Variants in CNTN2 observed in about 807,000 individuals in gnomAD.
CNTN2 encodes contactin 2.
CNTN2 carries 53 observed loss-of-function variants against 117.5 expected under a neutral mutation model. The ratio of observed to expected loss-of-function variants is 0.45; its 90% CI spans 0.36 to 0.57. CNTN2 has a LOEUF of 0.57. CNTN2 is among the 20% of genes least tolerant of loss of function. CNTN2 has a pLI of 0.00. For synonymous variants in CNTN2, 530 were observed against 561.7 expected, an observed-to-expected ratio of 0.94 and a Z score of 0.80; for missense variants, 1,106 against 1,404.3, an observed-to-expected ratio of 0.79 and a Z score of 3.39.
At chr1:205,069,266 T>G (rs1389043282) in intron 16 of CNTN2, 13 of 538,578 alleles carry the variant, frequency 2.4e-5, no homozygotes, top group Non-Finnish European at 3.6e-5. Context: ...TCAGAAAGGT[T>G]AAGTGACTTG....
chr1:205,046,955 G>A (rs2096442548), intron 1 of CNTN2, among the ~76,000 whole-genome samples: 1 of 152,102 alleles, frequency 6.6e-6, no homozygotes, highest in African/African-American at 2.4e-5. Flanking sequence ...GGTCTCTCTT[G>A]CAGGGGCAAA....
chr1:205,054,094 G>A (rs1349777685), intron 2 of CNTN2, among the ~76,000 whole-genome samples: 1 of 152,206 alleles, frequency 6.6e-6, no homozygotes, highest in African/African-American at 2.4e-5. Context: ...GCTCTAAGGG[G>A]TCTGCTGGAC....
chr1:205,067,600 G>A (rs938193809), intron 16 of CNTN2: 2 of 196,348 alleles, frequency 1.0e-5, no homozygotes, highest in African/African-American at 4.7e-5. Flanking sequence ...GTGGTAGACA[G>A]ATGTCTTCCT....
Position 205,059,722 on chromosome 1 carries a change from C to T in CNTN2, c.797+40C>T, listed in dbSNP as rs770237394. On this transcript the variant is annotated intron_variant, in intron 7 of 22. Coordinates refer to ENST00000331830, the MANE Select transcript of CNTN2 (RefSeq NM_005076.5). The surrounding 1 kb of genome is among the most constrained non-coding windows in gnomAD (Gnocchi z 5.6). The stretch of plus-strand genomic sequence containing the variant: ...GGAGGGGAAGCAGAGCACGGTCTCT[C>T]GGGGGCACAGGTGACCCCAGGGTGA... 5 of 1,573,174 alleles carry T rather than the reference C, an allele frequency of 3.2e-6. No individual in the cohort carries two copies. Among genetic ancestry groups the T allele is most frequent in the Non-Finnish European group, 4.4e-6 (5 of 1,143,396 alleles).
At chr1:205,057,844 C>A in intron 2 of CNTN2, 77 bp from the exon 3 acceptor site, 1 of 1,517,574 alleles carries the variant, frequency 6.6e-7, no homozygotes, top group Non-Finnish European at 8.9e-7. Flanking sequence ...GAAAGTTTTA[C>A]TGGACAGCAC....
intron 2 of CNTN2, among the ~76,000 whole-genome samples, chr1:205,054,472 A>G (rs976484965): frequency 2.0e-5 from 3 of 152,182 alleles, no homozygotes; most frequent in South Asian, 4.1e-4. Flanking sequence ...CAGGGATGGG[A>G]AGCCTCAACT....
At chr1:205,053,997 C>T (rs1015275720) in intron 2 of CNTN2, among the ~76,000 whole-genome samples, 7 of 152,202 alleles carry the variant, frequency 4.6e-5, no homozygotes, top group Admixed American at 4.6e-4. Flanking sequence ...AGCCACAGGC[C>T]AGCTGGACTC....
At position 205,073,519 on chromosome 1, in the gene CNTN2, TGAG is replaced by T. The variant is rs1654705526; in HGVS notation, c.3014-136_3014-134del. 2.1e-5 allele frequency: 17 copies of T among 811,942 alleles called. No individual in the cohort carries two copies. The South Asian group carries it at 2.8e-4, about 13-fold the overall frequency. 50.3% of individuals were successfully genotyped at this position (811,942 alleles called of 1,614,324 possible). ...CTACAAAGCACCGTAGGAGTCGGAC[TGAG>T]AAGACCACCCAGCCGTCCGCTCCCA... On this transcript the variant is annotated intron_variant, in intron 22 of 22. Coordinates refer to ENST00000331830, the MANE Select transcript of CNTN2 (RefSeq NM_005076.5). The surrounding 1 kb of genome is among the most constrained non-coding windows in gnomAD (Gnocchi z 6.3).
In CNTN2 at chr1:205,065,393, A is replaced by C; in HGVS notation, c.1695+131A>C. ...CGCCCCCATTCCCTCAGGCCCACAC[A>C]TGGCAAGCTCATCCTTGGATGAACA... is the stretch of plus-strand genomic sequence containing the variant. On this transcript the variant is annotated intron_variant, in intron 13 of 22. Transcript: ENST00000331830. This position sits in a 1 kb window ranked among gnomAD's most constrained non-coding sequence, Gnocchi z 4.1. 1.1e-6 allele frequency: 1 copy of C among 919,336 alleles called. No individual in the cohort carries two copies. Among genetic ancestry groups the C allele is most frequent in the Non-Finnish European group, 1.6e-6 (1 of 606,816 alleles). The allele number at this position is 919,336 out of a possible 1,614,324, so 56.9% of individuals were successfully genotyped here.
rs1653773193 is a variant in CNTN2, at chr1:205,058,334, G to A, written c.369G>A (p.Arg123=). Residue 123 remains arginine, a synonymous_variant, in exon 4 of 23, where the codon AGG becomes AGA. Coordinates refer to ENST00000331830, the MANE Select transcript of CNTN2 (RefSeq NM_005076.5). The surrounding 1 kb of genome is among the most constrained non-coding windows in gnomAD (Gnocchi z 4.3). ...ACCCAGTGGGCACCGTTGTCAGCAG[G>A]GAGGCCATCCTCCGCTTCGGCTGTG... The part of the protein sequence containing the change: ...ASNPVGTVVS[R]EAILRFGFLQ... 1.2e-5 allele frequency: 18 copies of A among 1,526,820 alleles called. No homozygotes were observed. Among genetic ancestry groups the A allele is most frequent in the Non-Finnish European group, 1.6e-5 (18 of 1,135,950 alleles). The allele number at this position is 1,526,820 out of a possible 1,614,324, so 94.6% of individuals were successfully genotyped here. A position where few individuals can be genotyped will look rare whatever the true frequency, so the allele number is the denominator to read the frequency against.
intron 1 of CNTN2, among the ~76,000 whole-genome samples, chr1:205,049,879 A>C (rs1255140729): frequency 6.6e-6 from 1 of 152,120 alleles, no homozygotes; most frequent in Non-Finnish European, 1.5e-5. Flanking sequence ...CTCTGGCTGG[A>C]GTGGAGAAGG....
At chr1:205,056,584 G>C (rs899027801) in intron 2 of CNTN2, among the ~76,000 whole-genome samples, 3 of 152,224 alleles carry the variant, frequency 2.0e-5, no homozygotes, top group African/African-American at 7.2e-5. Context: ...GAAGAGGACT[G>C]ATGGCTGGAT....
rs1487825907 is a variant in CNTN2 at position 205,074,153 on chromosome 1, G to C, written c.*388G>C. 4.2e-6 allele frequency: 2 copies of C among 474,412 alleles called. No homozygotes were observed. Among genetic ancestry groups the C allele is most frequent in the African/African-American group, 1.9e-5 (1 of 52,176 alleles). The allele number at this position is 474,412 out of a possible 1,614,324, so 29.4% of individuals were successfully genotyped here. ...GCCACTTGAGAGCAGTCCTAGGCCC[G>C]GCAGGAACACCAGACATGAACAGGT... is the stretch of plus-strand genomic sequence containing the variant. On this transcript the variant is annotated 3_prime_UTR_variant, in exon 23 of 23. Transcript: ENST00000331830.
rs140780346 is a variant in CNTN2, at chr1:205,050,386, G to C, written c.-86-2714G>C. On this transcript the variant is annotated intron_variant, in intron 1 of 22. Coordinates refer to ENST00000331830, the MANE Select transcript of CNTN2 (RefSeq NM_005076.5). ...ACGGAAGACCTGTCAACCCTATCAA[G>C]TATATACAGACTGTCCCTGACTTAC... Among the ~76,000 whole-genome samples the C allele has an allele frequency of 6.7e-4, 102 of 151,762 alleles. 3 individuals carry two copies. The East Asian group carries it at 0.016, about 25-fold the overall frequency.
intron 15 of CNTN2, 117 bp from the exon 16 acceptor site, chr1:205,066,984 T>C: frequency 7.8e-7 from 1 of 1,276,100 alleles, no homozygotes. Context: ...GTGCTTAGTA[T>C]ATGGCAAGTA....
intron 1 of CNTN2, among the ~76,000 whole-genome samples, chr1:205,046,427 C>T (rs2096441678): frequency 6.6e-6 from 1 of 152,226 alleles, no homozygotes; most frequent in Admixed American, 6.5e-5. Flanking sequence ...CCCACATCTT[C>T]TCAGTGCCTG....
At chr1:205,050,285 G>A (rs866629391) in intron 1 of CNTN2, among the ~76,000 whole-genome samples, 18 of 62,368 alleles carry the variant, frequency 2.9e-4, no homozygotes, top group African/African-American at 6.7e-4. Context: ...CTGAGTGTGT[G>A]TGTGTGTGTG....
intron 2 of CNTN2, among the ~76,000 whole-genome samples, chr1:205,055,964 G>T (rs1037620565): frequency 6.6e-6 from 1 of 152,144 alleles, no homozygotes; most frequent in Non-Finnish European, 1.5e-5. Context: ...CTGTGTGTCA[G>T]GGGGGAATGG....
Position 205,065,093 on chromosome 1 carries a change from C to T in CNTN2, c.1526C>T (p.Thr509Ile), listed in dbSNP as rs2151194782. The T allele has an allele frequency of 3.1e-6, 5 of 1,613,920 alleles. No homozygotes were observed. Among genetic ancestry groups the T allele is most frequent in the Admixed American group, 1.7e-5 (1 of 60,006 alleles). ...STGILSVRDA[T>I]KITLAPSSAD... Reference sequence around the variant, plus strand: ...GCCTTGTTTTTCTTGGCAGATGCAACCAAAATCACTCTAGCCCCCTCAAGT... The same window carrying T: ...GCCTTGTTTTTCTTGGCAGATGCAATCAAAATCACTCTAGCCCCCTCAAGT... Residue 509 changes from threonine to isoleucine, a missense_variant, in exon 13 of 23, where the codon ACC (threonine) becomes ATC (isoleucine). By Grantham distance (89) the Thr-to-Ile change is moderately conservative (BLOSUM62 -1). Transcript: ENST00000331830. This position sits in a 1 kb window ranked among gnomAD's most constrained non-coding sequence, Gnocchi z 4.1.
Sources: allele counts gnomAD v4.1 joint callset (sites outside exome capture counted in the v4.1 genomes callset), GRCh38; gene constraint gnomAD v4.1.1; non-coding constraint Gnocchi (gnomAD v3.1); transcripts MANE v1.5; gene names NCBI Gene and HGNC (gene_info 2026-07-23, HGNC 2026-07-21).